SEM1: variants seen among roughly 807,000 people sequenced by gnomAD.
SEM1 encodes the protein 26S proteasome complex subunit SEM1.
In SEM1, 3 loss-of-function variants were observed where a neutral mutation model predicts 12.7. The ratio of observed to expected loss-of-function variants is 0.24; its 90% CI spans 0.11 to 0.61. SEM1 has a LOEUF of 0.61. Ranked by LOEUF, SEM1 falls within the 20% of genes least tolerant of loss-of-function variation. SEM1 has a pLI of 0.88. For missense variants in SEM1, 59 were observed against 81.3 expected, an observed-to-expected ratio of 0.73 and a Z score of 1.06; for synonymous variants, 30 against 27.8, an observed-to-expected ratio of 1.08 and a Z score of -0.25.
chr7:96,679,879 T>C (rs1042359461), intron 2 of SEM1, among the ~76,000 whole-genome samples: 1 of 152,150 alleles, frequency 6.6e-6, no homozygotes, highest in African/African-American at 2.4e-5. Context: ...CCAAGTGATG[T>C]AGCAGATGTG....
chr7:96,502,874 C>G (rs1347981604), intron 3 of SEM1, among the ~76,000 whole-genome samples: 1 of 152,162 alleles, frequency 6.6e-6, no homozygotes, highest in Non-Finnish European at 1.5e-5. Context: ...GCAACTTCAC[C>G]ATAAGAGGCA....
Position 96,539,605 on chromosome 7 carries a change from C to T in SEM1, c.171-32907G>A, listed in dbSNP as rs982075235. On this transcript the variant is annotated intron_variant and NMD_transcript_variant, in intron 2 of 3. Coordinates refer to the SEM1 transcript ENST00000466986. ...ATGGGATCCATATGCATGAAGTTAT[C>T]GCATTGAAAAAAAGCCTTACTAAAA... 5.9e-5 allele frequency among the ~76,000 whole-genome samples: 9 copies of T among 151,582 alleles called. No homozygotes were observed. The South Asian group carries it at 1.2e-3, about 21-fold the overall frequency.
upstream of SEM1, among the ~76,000 whole-genome samples, chr7:96,499,621 T>C (rs535100785): frequency 2.0e-5 from 3 of 152,304 alleles, no homozygotes; most frequent in South Asian, 2.1e-4. Context: ...GCTATCCTCA[T>C]TGTCTAAGCC....
intron 2 of SEM1, chr7:96,623,137 A>C (rs1474024370): frequency 1.3e-5 from 2 of 152,374 alleles, no homozygotes; most frequent in African/African-American, 4.8e-5. Context: ...GAAGGGAAAA[A>C]TTTTCTCTTG....
At chr7:96,656,514 T>G (rs945180548) in intron 2 of SEM1, 2 of 151,964 alleles carry the variant, frequency 1.3e-5, no homozygotes, top group East Asian at 3.9e-4. Context: ...CTGACCTGAT[T>G]AATTTTGCAC....
chr7:96,583,871 C>T (rs1439797810), intron 2 of SEM1, among the ~76,000 whole-genome samples: 2 of 150,742 alleles, frequency 1.3e-5, no homozygotes, highest in Non-Finnish European at 2.9e-5. Flanking sequence ...TGTCTCTGCA[C>T]GTGAGATGGG....
intron 2 of SEM1, among the ~76,000 whole-genome samples, chr7:96,550,718 A>C (rs1457981479): frequency 6.6e-6 from 1 of 152,176 alleles, no homozygotes; most frequent in African/African-American, 2.4e-5. Flanking sequence ...TGAGAGGAAA[A>C]AGGAAAGGGT....
chr7:96,505,563 T>G (rs140516092), intron 3 of SEM1, among the ~76,000 whole-genome samples: 12 of 152,294 alleles, frequency 7.9e-5, no homozygotes, highest in African/African-American at 2.9e-4. Context: ...TTTCCTATTT[T>G]GTTGCTATTT....
intron 2 of SEM1, among the ~76,000 whole-genome samples, chr7:96,507,297 A>G (rs966947439): frequency 1.3e-5 from 2 of 152,130 alleles, no homozygotes; most frequent in African/African-American, 4.8e-5. Context: ...TTGCGGCAGT[A>G]TTCAGGTCAA....
At chr7:96,491,434 G>A (rs900763816) in intron 1 of SEM1, among the ~76,000 whole-genome samples, 1 of 152,122 alleles carries the variant, frequency 6.6e-6, no homozygotes, top group African/African-American at 2.4e-5. Flanking sequence ...GAAATCATCC[G>A]GGCATTTCTG....
intron 2 of SEM1, among the ~76,000 whole-genome samples, chr7:96,661,469 T>C (rs1384194406): frequency 2.6e-5 from 4 of 152,076 alleles, no homozygotes; most frequent in African/African-American, 9.7e-5. Context: ...TCAATAAAAA[T>C]AAGACAATAA....
intron 1 of SEM1, among the ~76,000 whole-genome samples, chr7:96,700,995 A>C (rs10499926): frequency 0.34 from 52,138 of 152,070 alleles, 10,354 homozygotes; most frequent in East Asian, 0.67. Flanking sequence ...ATACTGCAAA[A>C]TAAATCAATT....
At chr7:96,592,423 A>G (rs1341830642) in intron 2 of SEM1, among the ~76,000 whole-genome samples, 1 of 152,088 alleles carries the variant, frequency 6.6e-6, no homozygotes, top group African/African-American at 2.4e-5. Flanking sequence ...CACATCTATT[A>G]GGCTAAATGA....
chr7:96,487,237 C>T (rs1435330617), intron 1 of SEM1, among the ~76,000 whole-genome samples: 1 of 149,768 alleles, frequency 6.7e-6, no homozygotes, highest in African/African-American at 2.5e-5. Flanking sequence ...TTTTAAAAAT[C>T]AAAGTTAATG....
At chr7:96,666,240 C>T (rs1208964691) in intron 2 of SEM1, among the ~76,000 whole-genome samples, 1 of 152,142 alleles carries the variant, frequency 6.6e-6, no homozygotes, top group Non-Finnish European at 1.5e-5. Context: ...AAACTGGGCT[C>T]TTGTCTTATG....
chr7:96,693,941 C>T (rs1460652212), intron 2 of SEM1, among the ~76,000 whole-genome samples: 2 of 151,774 alleles, frequency 1.3e-5, no homozygotes, highest in Non-Finnish European at 2.9e-5. Context: ...TAAAACGTGG[C>T]ATATCCATAT....
At chr7:96,690,679 T>A (rs1385052974) in intron 2 of SEM1, among the ~76,000 whole-genome samples, 1 of 152,188 alleles carries the variant, frequency 6.6e-6, no homozygotes, top group African/African-American at 2.4e-5. Flanking sequence ...TAATGGCCAC[T>A]AGTAGGTTTG....
At chr7:96,575,392 G>A (rs2116013650) in intron 2 of SEM1, among the ~76,000 whole-genome samples, 1 of 152,282 alleles carries the variant, frequency 6.6e-6, no homozygotes, top group East Asian at 1.9e-4. Context: ...TCCTCTATGA[G>A]GTGTCTGTTG....
chr7:96,578,046 G>C (rs1806263669), intron 2 of SEM1, among the ~76,000 whole-genome samples: 1 of 152,008 alleles, frequency 6.6e-6, no homozygotes, highest in Non-Finnish European at 1.5e-5. Context: ...CAAAGAACTT[G>C]TAAAAATAAT....
Sources: allele counts gnomAD v4.1 joint callset (sites outside exome capture counted in the v4.1 genomes callset), GRCh38; gene constraint gnomAD v4.1.1; transcripts MANE v1.5; gene names NCBI Gene and HGNC (gene_info 2026-07-23, HGNC 2026-07-21).